XPO5: variants seen among roughly 807,000 people sequenced by gnomAD.
XPO5 encodes the protein exportin 5.
XPO5 carries 46 observed loss-of-function variants against 160.6 expected under a neutral mutation model. The ratio of observed to expected loss-of-function variants is 0.29; its 90% CI spans 0.23 to 0.37. The LOEUF (loss-of-function observed/expected upper bound fraction) is 0.37, where lower values mean the gene tolerates loss of function less well. XPO5 is among the 10% of genes least tolerant of loss of function. The pLI is 1.00. For synonymous variants in XPO5, 537 were observed against 519.3 expected (o/e 1.03, Z -0.46); for missense variants, 1,090 against 1,463.9 (o/e 0.74, Z 4.17).
At chr6:43,528,991 T>C (rs1473402434) in intron 23 of XPO5, 66 bp from the exon 24 acceptor site, 3 of 1,458,460 alleles carry the variant, frequency 2.1e-6, no homozygotes, top group Non-Finnish European at 2.8e-6. Context: ...GGTGGTGGGT[T>C]GCACCCCTGG....
chr6:43,549,950 A>G lies in XPO5; in HGVS notation c.1729-16T>C. On this transcript the variant is annotated splice_polypyrimidine_tract_variant and intron_variant, in intron 15 of 31. Transcript: ENST00000265351. ...ATGAAAATAGCTAAGGGAGAGGAGG[A>G]AAAAAGGTCACTCATGTTTATTTGT... 1 of 1,610,248 alleles carries G rather than the reference A, an allele frequency of 6.2e-7. No homozygotes were observed. The highest frequency in any genetic ancestry group is 8.5e-7 in the Non-Finnish European group (1 of 1,177,858).
intron 13 of XPO5, 152 bp from the exon 14 acceptor site, chr6:43,553,655 G>A: frequency 2.2e-6 from 3 of 1,392,988 alleles, no homozygotes; most frequent in Non-Finnish European, 2.8e-6. Context: ...ACCCCTCTCA[G>A]CTGGGGCAAA....
intron 20 of XPO5, chr6:43,539,673 GC>G (rs988915260): frequency 4.3e-5 from 43 of 1,000,670 alleles, no homozygotes; most frequent in Middle Eastern, 3.1e-4. Flanking sequence ...GGGCCTCCAG[GC>G]CCCCCCACTG....
In XPO5 at chr6:43,556,400, C is replaced by CT. The variant is rs1582232609; in HGVS notation, c.1313-437dup. On this transcript the variant is annotated intron_variant, in intron 12 of 31. Coordinates refer to ENST00000265351, the MANE Select transcript of XPO5 (RefSeq NM_020750.3). The stretch of plus-strand genomic sequence containing the variant: ...AGTAGCCAGGTGTGGTGGCATGCTC[C>CT]TATAGTCCCAGTAACTTGGGAGAGT... Among the ~76,000 whole-genome samples the CT allele has an allele frequency of 3.3e-5, 5 of 151,942 alleles. No individual in the cohort carries two copies. The East Asian group carries it at 9.7e-4, about 29-fold the overall frequency.
At chr6:43,572,036 T>C (rs912452392) in intron 3 of XPO5, among the ~76,000 whole-genome samples, 3 of 152,242 alleles carry the variant, frequency 2.0e-5, no homozygotes, top group Non-Finnish European at 2.9e-5. Flanking sequence ...CATGATTAAT[T>C]AAACCTAGTA....
At chr6:43,529,200 G>C in intron 23 of XPO5, 1 of 1,435,332 alleles carries the variant, frequency 7.0e-7, no homozygotes. Context: ...ATAGGAAGGA[G>C]GACATCCTTG....
chr6:43,530,925 T>C (rs537938855), intron 22 of XPO5, 101 bp from the exon 23 acceptor site: 16 of 1,422,262 alleles, frequency 1.1e-5, no homozygotes, highest in Middle Eastern at 3.7e-4. Context: ...ATAAGGTTTT[T>C]CAGCCAGAAG....
Position 43,523,848 on chromosome 6 carries a change from A to G in XPO5, c.*20T>C. The G allele has an allele frequency of 1.2e-6, 2 of 1,613,966 alleles. No homozygotes were observed. Among genetic ancestry groups the G allele is most frequent in the Non-Finnish European group, 1.7e-6 (2 of 1,179,852 alleles). On this transcript the variant is annotated 3_prime_UTR_variant, in exon 32 of 32. Coordinates refer to ENST00000265351, the MANE Select transcript of XPO5 (RefSeq NM_020750.3). ...AAGAGATGACAAGAAAGGCCGAGGAAGGATGCCCAAAAGCTTGATTCAGGG... is the reference window on the plus strand; with the variant it reads ...AAGAGATGACAAGAAAGGCCGAGGAGGGATGCCCAAAAGCTTGATTCAGGG...
At chr6:43,566,353 C>T (rs902667115) in intron 7 of XPO5, among the ~76,000 whole-genome samples, 1 of 151,900 alleles carries the variant, frequency 6.6e-6, no homozygotes, top group Non-Finnish European at 1.5e-5. Flanking sequence ...GAGATTGCGC[C>T]ACTGCACTCC....
At chr6:43,529,909 C>CA (rs1191727799) in intron 23 of XPO5, among the ~76,000 whole-genome samples, 30,795 of 97,330 alleles carry the variant, frequency 0.32, 4,522 homozygotes, top group Non-Finnish European at 0.4. Context: ...GACCCTGTCT[C>CA]AAAAAAAAAA....
chr6:43,565,541 G>T, intron 8 of XPO5, 119 bp downstream of exon 8: 1 of 894,538 alleles, frequency 1.1e-6, no homozygotes, highest in Non-Finnish European at 1.6e-6. Context: ...CTCCAGCCTG[G>T]GTGACAGAGC....
At chr6:43,539,116 G>A (rs1794530710) in intron 20 of XPO5, 2 of 1,235,180 alleles carry the variant, frequency 1.6e-6, no homozygotes, top group Non-Finnish European at 2.3e-6. Context: ...TGGGTGCAGG[G>A]ATGAGGCGCA....
chr6:43,551,293 T>A lies in XPO5; in HGVS notation c.1728+5A>T. The A allele has an allele frequency of 6.3e-7, 1 of 1,596,406 alleles. No individual in the cohort carries two copies. The highest frequency in any genetic ancestry group is 1.1e-5 in the South Asian group (1 of 87,170). On this transcript the variant is annotated splice_donor_5th_base_variant and intron_variant, in intron 15 of 31. Transcript: ENST00000265351. ...TAAAATTTACAAAGGAGATGGGCTTTATACCTTAGAGAAGACCTGGGGCAG... is the reference window on the plus strand; with the variant it reads ...TAAAATTTACAAAGGAGATGGGCTTAATACCTTAGAGAAGACCTGGGGCAG...
At chr6:43,558,695 C>G (rs945390666) in intron 11 of XPO5, 104 bp from the exon 12 acceptor site, 1 of 826,480 alleles carries the variant, frequency 1.2e-6, no homozygotes, top group Non-Finnish European at 1.8e-6. Flanking sequence ...AAGAGTTAAG[C>G]GTTTGCATGA....
intron 13 of XPO5, 41 bp from the exon 14 acceptor site, chr6:43,553,544 C>T (rs1373694054): frequency 2.6e-6 from 4 of 1,535,872 alleles, no homozygotes; most frequent in African/African-American, 1.4e-5. Flanking sequence ...CACACACACA[C>T]ACACAATTAT....
chr6:43,524,307 G>A lies in XPO5; in HGVS notation c.3477+164C>T, dbSNP rs111521984. Among the ~76,000 whole-genome samples, 840 of 149,368 alleles carry A rather than the reference G, an allele frequency of 5.6e-3. 10 individuals are homozygous for A. The highest frequency in any genetic ancestry group is 0.019 in the African/African-American group (781 of 40,450). The stretch of plus-strand genomic sequence containing the variant: ...GCGGAGGTTGTGGTGAGCTGAGATC[G>A]TACCACTGCACTCCAGCCTGGGCAA... On this transcript the variant is annotated intron_variant, in intron 31 of 31. Transcript: ENST00000265351.
intron 3 of XPO5, among the ~76,000 whole-genome samples, chr6:43,571,846 A>G (rs1763026220): frequency 6.6e-6 from 1 of 152,158 alleles, no homozygotes; most frequent in Non-Finnish European, 1.5e-5. Flanking sequence ...AAACAAATTC[A>G]TTCTGCATAC....
At chr6:43,566,857 C>T (rs1161666865) in intron 7 of XPO5, among the ~76,000 whole-genome samples, 1 of 150,726 alleles carries the variant, frequency 6.6e-6, no homozygotes, top group Non-Finnish European at 1.5e-5. Flanking sequence ...CTACTGTAGC[C>T]ACCATCCAAG....
At chr6:43,571,234 G>A (rs1762991418) in intron 3 of XPO5, among the ~76,000 whole-genome samples, 1 of 152,152 alleles carries the variant, frequency 6.6e-6, no homozygotes, top group Non-Finnish European at 1.5e-5. Context: ...GAGCTAGGAT[G>A]ACATCATTAT....
Sources: gnomAD v4.1 joint callset for allele counts (sites outside exome capture counted in the v4.1 genomes callset) on GRCh38, gnomAD v4.1.1 for gene constraint, MANE v1.5 for transcripts, NCBI Gene and HGNC (gene_info 2026-07-23, HGNC 2026-07-21) for gene names.